Variants in KANSL1 observed in about 807,000 individuals in gnomAD.
KANSL1 encodes KAT8 regulatory NSL complex subunit 1.
Under a neutral mutation model 103.6 loss-of-function variants are expected in KANSL1, and 22 were observed. The observed-to-expected ratio is 0.21, with a 90% CI of 0.15 to 0.30. KANSL1 has a LOEUF of 0.30. KANSL1 is among the 10% of genes least tolerant of loss of function. KANSL1 has a pLI of 1.00. For synonymous variants in KANSL1, 600 were observed against 527.6 expected (o/e 1.14, Z -1.88); for missense variants, 1,337 against 1,399.8 (o/e 0.96, Z 0.72).
chr17:46,055,227 G>A (rs1186196182), intron 6 of KANSL1, among the ~76,000 whole-genome samples: 1 of 151,850 alleles, frequency 6.6e-6, no homozygotes, highest in African/African-American at 2.4e-5. Flanking sequence ...ACTTTGGGAA[G>A]CCAAGGCAGG....
At chr17:46,074,192 T>C (rs908876292) in intron 4 of KANSL1, among the ~76,000 whole-genome samples, 2 of 152,052 alleles carry the variant, frequency 1.3e-5, no homozygotes, top group Non-Finnish European at 2.9e-5. Context: ...AGAAAGTATT[T>C]CAAAATATAA....
At chr17:46,207,922 C>G (rs1327086297) in intron 1 of KANSL1, among the ~76,000 whole-genome samples, 1 of 152,030 alleles carries the variant, frequency 6.6e-6, no homozygotes, top group Non-Finnish European at 1.5e-5. Flanking sequence ...ACCAGCCTGG[C>G]CAACATGGTG....
At chr17:46,173,164 C>T (rs2046367117) in intron 1 of KANSL1, among the ~76,000 whole-genome samples, 1 of 152,160 alleles carries the variant, frequency 6.6e-6, no homozygotes, top group South Asian at 2.1e-4. Context: ...TACTATCATC[C>T]TCTTCTCTTC....
chr17:46,217,655 G>A (rs2048383084), intron 1 of KANSL1, among the ~76,000 whole-genome samples: 1 of 152,072 alleles, frequency 6.6e-6, no homozygotes, highest in South Asian at 2.1e-4. Context: ...TTGGGAGGCT[G>A]AGGTGGGCAG....
chr17:46,078,960 A>G (rs1311635526), intron 4 of KANSL1, among the ~76,000 whole-genome samples: 2 of 152,194 alleles, frequency 1.3e-5, no homozygotes, highest in African/African-American at 4.8e-5. Flanking sequence ...AGGCCCGTTA[A>G]GTTTTCTCTC....
At chr17:46,128,333 C>T (rs1200503268) in intron 2 of KANSL1, among the ~76,000 whole-genome samples, 2 of 152,178 alleles carry the variant, frequency 1.3e-5, no homozygotes, top group Admixed American at 1.3e-4. Context: ...TCGATTCAAG[C>T]ATTTTTTGGA....
Position 46,039,103 on chromosome 17 carries a change from G to C in KANSL1, c.2316C>G (p.Leu772=), listed in dbSNP as rs753440178. The C allele has an allele frequency of 6.2e-7, 1 of 1,612,526 alleles. No individual in the cohort carries two copies. Among genetic ancestry groups the C allele is most frequent in the Non-Finnish European group, 8.5e-7 (1 of 1,179,778 alleles). The stretch of plus-strand genomic sequence containing the variant: ...GGTCATGCACGGGTGGTGGTGGGTT[G>C]AGCAAGCGCTCTGCTTTTGGCGCTG... The part of the protein sequence containing the change: ...RVTAPKAERL[L]NPPPPVHDPN... Residue 772 remains leucine, a synonymous_variant, in exon 9 of 15, where the codon CTC becomes CTG. Coordinates refer to ENST00000432791, the MANE Select transcript of KANSL1 (RefSeq NM_015443.4).
intron 2 of KANSL1, among the ~76,000 whole-genome samples, chr17:46,160,035 T>C (rs2045647695): frequency 6.6e-6 from 1 of 152,208 alleles, no homozygotes; most frequent in Non-Finnish European, 1.5e-5. Context: ...TCTCTATCAG[T>C]TCCAGGAGTT....
chr17:46,173,233 A>G (rs1427002773), intron 1 of KANSL1, among the ~76,000 whole-genome samples: 1 of 152,170 alleles, frequency 6.6e-6, no homozygotes, highest in Non-Finnish European at 1.5e-5. Context: ...TTCTCTCTCA[A>G]CAACCACTAG....
intron 6 of KANSL1, among the ~76,000 whole-genome samples, chr17:46,058,736 C>T (rs1411860792): frequency 2.0e-5 from 1 of 49,860 alleles, no homozygotes; most frequent in African/African-American, 6.1e-5. Context: ...CACACACACA[C>T]ACACACACTC....
chr17:46,118,785 A>G (rs1195369900), intron 2 of KANSL1, among the ~76,000 whole-genome samples: 2 of 152,242 alleles, frequency 1.3e-5, no homozygotes, highest in Non-Finnish European at 2.9e-5. Flanking sequence ...TAAACAACCA[A>G]TAGTCAGTGC....
At chr17:46,066,224 GCACACTATTCTCCTT>G (rs1459565095) in intron 6 of KANSL1, among the ~76,000 whole-genome samples, 1 of 152,156 alleles carries the variant, frequency 6.6e-6, no homozygotes, top group Non-Finnish European at 1.5e-5. Flanking sequence ...AGGTGAGAGG[GCACACTATTCTCCTT>G]CAAAGTGTTA....
chr17:46,189,906 C>CAAAAAAAAAAAAAA (rs55934305), intron 1 of KANSL1, among the ~76,000 whole-genome samples: 4 of 112,448 alleles, frequency 3.6e-5, no homozygotes, highest in African/African-American at 1.5e-4. Context: ...GACCCTGCCT[C>CAAAAAAAAAAAAAA]AAAAAAAAAA....
intron 2 of KANSL1, among the ~76,000 whole-genome samples, chr17:46,166,213 C>CAAAAAAA (rs147552413): frequency 1.1e-5 from 1 of 95,102 alleles, no homozygotes; most frequent in Non-Finnish European, 2.1e-5. Flanking sequence ...GACTCTGTCT[C>CAAAAAAA]AAAAAAAAAA....
chr17:46,189,036 A>C, intron 1 of KANSL1, among the ~76,000 whole-genome samples: 1 of 47,094 alleles, frequency 2.1e-5, no homozygotes, highest in Non-Finnish European at 4.9e-5. Flanking sequence ...TGTCTCAAAA[A>C]AAAAAAAAAA....
At chr17:46,051,828 GAGAA>G (rs896951068) in intron 6 of KANSL1, among the ~76,000 whole-genome samples, 3 of 152,198 alleles carry the variant, frequency 2.0e-5, no homozygotes, top group African/African-American at 7.2e-5. Flanking sequence ...ATTTGTGTAA[GAGAA>G]AGATATACAT....
chr17:46,115,146 A>G (rs759953440), intron 2 of KANSL1, among the ~76,000 whole-genome samples: 3 of 152,128 alleles, frequency 2.0e-5, no homozygotes, highest in East Asian at 3.9e-4. Flanking sequence ...TGCAACCTCC[A>G]CCTCCTGAGT....
chr17:46,074,539 T>C (rs143847651), intron 4 of KANSL1, among the ~76,000 whole-genome samples: 5 of 152,180 alleles, frequency 3.3e-5, no homozygotes, highest in Non-Finnish European at 2.9e-5. Flanking sequence ...AATATTTACA[T>C]AGTGTCTCCC....
At chr17:46,081,143 T>C (rs1316217956) in intron 4 of KANSL1, among the ~76,000 whole-genome samples, 1 of 152,216 alleles carries the variant, frequency 6.6e-6, no homozygotes, top group African/African-American at 2.4e-5. Flanking sequence ...TGTTATGCCC[T>C]GTCCTTCAGA....
Sources: allele counts gnomAD v4.1 joint callset (sites outside exome capture counted in the v4.1 genomes callset), GRCh38; gene constraint gnomAD v4.1.1; transcripts MANE v1.5; gene names NCBI Gene and HGNC (gene_info 2026-07-23, HGNC 2026-07-21).